SPICE1: variants seen among roughly 807,000 people sequenced by gnomAD.
The protein encoded by SPICE1 is spindle and centriole associated protein 1, also known as spindle and centriole-associated protein 1.
A neutral mutation model predicts 102.7 loss-of-function variants in SPICE1; 75 were observed. The observed-to-expected ratio is 0.73, with a 90% CI of 0.61 to 0.88. SPICE1 has a LOEUF of 0.88. SPICE1 is among the 40% of genes least tolerant of loss of function. The pLI, the probability that SPICE1 is intolerant of heterozygous loss-of-function variation, is 0.00. For synonymous variants in SPICE1, 308 were observed against 350.3 expected (o/e 0.88, Z 1.35); for missense variants, 979 against 1,020.1 (o/e 0.96, Z 0.55).
At chr3:113,462,279 C>A (rs1935948812) in intron 11 of SPICE1, among the ~76,000 whole-genome samples, 1 of 152,228 alleles carries the variant, frequency 6.6e-6, no homozygotes, top group Admixed American at 6.5e-5. Flanking sequence ...TGTTCCCAAA[C>A]TGTTTGCTGA....
chr3:113,449,101 T>C (rs1935582876), intron 15 of SPICE1: 2 of 152,208 alleles, frequency 1.3e-5, no homozygotes, highest in Admixed American at 1.3e-4. Context: ...ATAACATAAA[T>C]AAAAGCATAT....
intron 4 of SPICE1, among the ~76,000 whole-genome samples, chr3:113,496,266 A>G (rs1936883025): frequency 6.6e-6 from 1 of 151,912 alleles, no homozygotes; most frequent in Non-Finnish European, 1.5e-5. Flanking sequence ...TTCTAGATTT[A>G]TAACTCCTCT....
At chr3:113,504,415 A>G (rs1007254989) in intron 2 of SPICE1, among the ~76,000 whole-genome samples, 3 of 151,984 alleles carry the variant, frequency 2.0e-5, no homozygotes, top group African/African-American at 7.3e-5. Flanking sequence ...AACTGTTATT[A>G]CTTTTACAAT....
rs1445658309 is a variant in SPICE1, at chr3:113,443,608, C to G, written c.*1699G>C. On this transcript the variant is annotated 3_prime_UTR_variant, in exon 18 of 18. Transcript: ENST00000295872. ...ACAGTAATGGCTCAATAAGGAACAG[C>G]TATTCTTATTATTATGCTGCTTCCA... 1 of 152,094 alleles carries G rather than the reference C, an allele frequency of 6.6e-6. No homozygotes were observed. The highest frequency in any genetic ancestry group is 1.5e-5 in the Non-Finnish European group (1 of 68,036). The allele number at this position is 152,094 out of a possible 1,614,324, so 9.4% of individuals were successfully genotyped here. A position where few individuals can be genotyped will look rare whatever the true frequency, so the allele number is the denominator to read the frequency against.
intron 7 of SPICE1, among the ~76,000 whole-genome samples, chr3:113,487,450 A>G (rs1261794860): frequency 2.0e-5 from 3 of 152,164 alleles, no homozygotes; most frequent in African/African-American, 7.2e-5. Flanking sequence ...GTATGTGTGC[A>G]TATATATGTA....
Position 113,453,809 on chromosome 3 carries a change from AAG to A in SPICE1, c.1797_1798del (p.Phe600HisfsTer23). Reference sequence around the variant, plus strand: ...GTGAGAGACTCTCCATCTCTGAGTGAAGAGACGATTCTCTTCACTTGAATTCT... The same window carrying A: ...GTGAGAGACTCTCCATCTCTGAGTGAAGACGATTCTCTTCACTTGAATTCT... On this transcript the variant is annotated frameshift_variant, in exon 14 of 18. Coordinates refer to ENST00000295872, the MANE Select transcript of SPICE1 (RefSeq NM_144718.4). LOFTEE classifies it high-confidence loss of function. 6.2e-7 allele frequency: 1 copy of A among 1,614,148 alleles called. No individual in the cohort carries two copies.
chr3:113,475,062 G>T (rs918281804), intron 7 of SPICE1, among the ~76,000 whole-genome samples: 11 of 152,038 alleles, frequency 7.2e-5, no homozygotes, highest in African/African-American at 2.7e-4. Context: ...AGAAAAGAAA[G>T]AAGAATCAAA....
Position 113,465,736 on chromosome 3 carries a change from G to T in SPICE1, c.1204C>A (p.Gln402Lys). The T allele has an allele frequency of 1.9e-6, 3 of 1,613,756 alleles. No homozygotes were observed. Among genetic ancestry groups the T allele is most frequent in the Middle Eastern group, 1.7e-4 (1 of 6,060 alleles). Residue 402 changes from glutamine (Q) to lysine (K), a missense_variant, in exon 11 of 18, where the codon CAA becomes AAA. By Grantham distance (53) the Gln-to-Lys change is moderately conservative. Coordinates refer to ENST00000295872, the MANE Select transcript of SPICE1 (RefSeq NM_144718.4). ...AGCTCTCGATGATCACCTAATACTT[G>T]TTCCAGTTGTTGCCTTGTCTCTACT... ...KEVETRQQLE[Q>K]VLGDHRELID... is the part of the protein sequence containing the mutation.
At chr3:113,481,978 G>A (rs1936520139) in intron 7 of SPICE1, among the ~76,000 whole-genome samples, 1 of 152,138 alleles carries the variant, frequency 6.6e-6, no homozygotes, top group African/African-American at 2.4e-5. Context: ...AGATCCTTGA[G>A]GAATCGCCAC....
chr3:113,511,569 T>G (rs1937221455), intron 1 of SPICE1, among the ~76,000 whole-genome samples: 1 of 151,944 alleles, frequency 6.6e-6, no homozygotes, highest in African/African-American at 2.4e-5. Context: ...TGAGAACACA[T>G]GGACACAGGG....
chr3:113,458,285 G>A (rs1284934972), intron 12 of SPICE1, among the ~76,000 whole-genome samples: 2 of 152,108 alleles, frequency 1.3e-5, no homozygotes, highest in East Asian at 3.9e-4. Context: ...CTGTACTGCC[G>A]CCATCTCGAC....
intron 12 of SPICE1, among the ~76,000 whole-genome samples, chr3:113,457,565 T>A (rs1386947014): frequency 6.6e-6 from 1 of 152,188 alleles, no homozygotes; most frequent in Non-Finnish European, 1.5e-5. Context: ...GAAGTTACTA[T>A]TTTTGAGAAA....
chr3:113,484,946 C>CTAA (rs1184984087), intron 7 of SPICE1, among the ~76,000 whole-genome samples: 1 of 152,102 alleles, frequency 6.6e-6, no homozygotes, highest in South Asian at 2.1e-4. Flanking sequence ...ATCGATCTGT[C>CTAA]TAATACTGAC....
intron 4 of SPICE1, among the ~76,000 whole-genome samples, chr3:113,496,195 CT>C (rs1045566742): frequency 5.9e-5 from 9 of 151,756 alleles, no homozygotes; most frequent in Non-Finnish European, 1.5e-5. Context: ...TGTTTAGTCC[CT>C]GCCCTTGGGA....
intron 1 of SPICE1, among the ~76,000 whole-genome samples, chr3:113,509,288 T>C (rs1218305367): frequency 1.3e-5 from 2 of 152,192 alleles, no homozygotes; most frequent in Non-Finnish European, 2.9e-5. Flanking sequence ...AAGACATGAA[T>C]CTAATGTATT....
chr3:113,506,700 T>G, intron 1 of SPICE1, 95 bp from the exon 2 acceptor site: 1 of 942,978 alleles, frequency 1.1e-6, no homozygotes, highest in Non-Finnish European at 1.6e-6. Flanking sequence ...AAAACAAATT[T>G]TAAAATGCCA....
chr3:113,486,584 T>G (rs568094071), intron 7 of SPICE1, among the ~76,000 whole-genome samples: 122 of 151,794 alleles, frequency 8.0e-4, no homozygotes, highest in African/African-American at 2.9e-3. Flanking sequence ...TTTCATTTTA[T>G]TATAAAAATG....
At chr3:113,483,503 T>C (rs1371955377) in intron 7 of SPICE1, among the ~76,000 whole-genome samples, 5 of 152,310 alleles carry the variant, frequency 3.3e-5, no homozygotes, top group South Asian at 2.1e-4. Flanking sequence ...CAGTATTCTA[T>C]TGGCTGTGGG....
chr3:113,510,184 C>T (rs1022574030), intron 1 of SPICE1, among the ~76,000 whole-genome samples: 1 of 152,070 alleles, frequency 6.6e-6, no homozygotes, highest in African/African-American at 2.4e-5. Flanking sequence ...GTGAAAATAG[C>T]CATACTGGCA....
Sources: gnomAD v4.1 joint callset for allele counts (sites outside exome capture counted in the v4.1 genomes callset) on GRCh38, gnomAD v4.1.1 for gene constraint, MANE v1.5 for transcripts, NCBI Gene and HGNC (gene_info 2026-07-23, HGNC 2026-07-21) for gene names.